Variants in ZSWIM6 observed in about 807,000 individuals in gnomAD.
ZSWIM6 encodes zinc finger SWIM domain-containing protein 6.
Under a neutral mutation model 113.2 loss-of-function variants are expected in ZSWIM6, and 9 were observed. The observed-to-expected ratio is 0.08, with a 90% CI of 0.05 to 0.14. The LOEUF (loss-of-function observed/expected upper bound fraction) is 0.14. Among genes scored for constraint, ZSWIM6 ranks in the 10% least tolerant of loss-of-function variants. The pLI, the probability that ZSWIM6 is intolerant of heterozygous loss-of-function variation, is 1.00. For missense variants in ZSWIM6, 1,162 were observed against 1,552.2 expected (o/e 0.75, Z 4.22); for synonymous variants, 611 against 606.5 (o/e 1.01, Z -0.11).
At chr5:61,412,966 AT>A (rs70977844) in intron 1 of ZSWIM6, among the ~76,000 whole-genome samples, 53,329 of 147,196 alleles carry the variant, frequency 0.36, 9,612 homozygotes, top group African/African-American at 0.41. Flanking sequence ...GAAATTAGAG[AT>A]TTTTTTTTTT....
intron 1 of ZSWIM6, among the ~76,000 whole-genome samples, chr5:61,407,406 A>G (rs958271125): frequency 6.6e-6 from 1 of 152,252 alleles, no homozygotes; most frequent in Non-Finnish European, 1.5e-5. Context: ...ACAGTCTGTG[A>G]TAATAGTAAC....
In ZSWIM6 at chr5:61,523,626, T is replaced by TA. The variant is rs1294125921; in HGVS notation, c.1514-2173dup. ...ATAATTATTTCCCTTTTTTCAATCT[T>TA]ACTGCACAATTGAATAGCCACTGAC... On this transcript the variant is annotated intron_variant, in intron 5 of 13. Coordinates refer to ENST00000252744, the MANE Select transcript of ZSWIM6 (RefSeq NM_020928.2). 4.6e-5 allele frequency among the ~76,000 whole-genome samples: 7 copies of TA among 152,212 alleles called. No individual in the cohort carries two copies. In the East Asian group the frequency reaches 1.2e-3, roughly 25 times the overall value.
rs2112012478 is a variant in ZSWIM6 at position 61,332,533 on chromosome 5, G to A, written c.261G>A (p.Glu87=). The A allele has an allele frequency of 7.4e-7, 1 of 1,344,382 alleles. No homozygotes were observed. Among genetic ancestry groups the A allele is most frequent in the South Asian group, 1.3e-5 (1 of 77,390 alleles). The allele number at this position is 1,344,382 out of a possible 1,614,324, so 83.3% of individuals were successfully genotyped here. ...ACATCGCGGCGCGCAGGGTGGCGGAGAAGTGGCCGTTCCAGCGCGTGGAGG... is the reference window on the plus strand; with the variant it reads ...ACATCGCGGCGCGCAGGGTGGCGGAAAAGTGGCCGTTCCAGCGCGTGGAGG... ...LLDIAARRVA[E]KWPFQRVEER... The change falls in exon 1 of 14, where the codon GAG becomes GAA. Residue 87 remains glutamate (E), a synonymous_variant. Transcript: ENST00000252744.
At chr5:61,482,575 T>C (rs1476369376) in intron 2 of ZSWIM6, among the ~76,000 whole-genome samples, 1 of 152,220 alleles carries the variant, frequency 6.6e-6, no homozygotes, top group African/African-American at 2.4e-5. Context: ...ACATTAAATT[T>C]CCTGGTCTAT....
chr5:61,373,532 C>T (rs1037184681), intron 1 of ZSWIM6, among the ~76,000 whole-genome samples: 3 of 152,090 alleles, frequency 2.0e-5, no homozygotes, highest in Non-Finnish European at 4.4e-5. Flanking sequence ...CACTGGTACC[C>T]TAAGTCTAAT....
intron 9 of ZSWIM6, among the ~76,000 whole-genome samples, chr5:61,532,760 GCACTCT>G (rs1469248871): frequency 6.6e-6 from 1 of 152,068 alleles, no homozygotes; most frequent in African/African-American, 2.4e-5. Flanking sequence ...ATTTTTTGAA[GCACTCT>G]CCTGAACCTG....
chr5:61,448,594 T>C (rs1281998370), intron 1 of ZSWIM6, among the ~76,000 whole-genome samples: 1 of 152,068 alleles, frequency 6.6e-6, no homozygotes, highest in Non-Finnish European at 1.5e-5. Flanking sequence ...CATGTTCTGT[T>C]TGGGGGAGGA....
chr5:61,404,373 A>G lies in ZSWIM6; in HGVS notation c.677-68308A>G, dbSNP rs1471077355. Among the ~76,000 whole-genome samples the G allele has an allele frequency of 2.6e-5, 4 of 152,264 alleles. No individual in the cohort carries two copies. In the East Asian group the frequency reaches 7.7e-4, roughly 29 times the overall value. On this transcript the variant is annotated intron_variant, in intron 1 of 13. Transcript: ENST00000252744. ...GATCTTTAGGGGAAAGAATGGCATA[A>G]ATTAAGGCAGATGAAAAATTTCAAA...
intron 4 of ZSWIM6, among the ~76,000 whole-genome samples, chr5:61,496,466 T>C (rs1748317327): frequency 6.6e-6 from 1 of 152,132 alleles, no homozygotes; most frequent in South Asian, 2.1e-4. Context: ...CTTAATAAAA[T>C]GGGGGAATTT....
At position 61,525,719 on chromosome 5, in the gene ZSWIM6, A is replaced by G. The variant is rs569437190; in HGVS notation, c.1514-81A>G. ...AATGTGTGTGGGTGTGTTCATGAAC[A>G]TCTGGCCACAGAATGGTATGACTGA... On this transcript the variant is annotated intron_variant, in intron 5 of 13. Coordinates refer to ENST00000252744, the MANE Select transcript of ZSWIM6 (RefSeq NM_020928.2). The G allele has an allele frequency of 3.4e-5, 50 of 1,490,372 alleles. No homozygotes were observed. In the African/African-American group the frequency reaches 5.4e-4, roughly 16 times the overall value. The allele number at this position is 1,490,372 out of a possible 1,614,324, so 92.3% of individuals were successfully genotyped here. A position where few individuals can be genotyped will look rare whatever the true frequency, so the allele number is the denominator to read the frequency against.
intron 1 of ZSWIM6, among the ~76,000 whole-genome samples, chr5:61,396,403 A>C (rs1169166642): frequency 6.6e-6 from 1 of 151,812 alleles, no homozygotes; most frequent in Non-Finnish European, 1.5e-5. Context: ...ATGGTGGCGC[A>C]CACCTGTAGT....
intron 1 of ZSWIM6, among the ~76,000 whole-genome samples, chr5:61,471,028 A>G (rs879657283): frequency 6.6e-6 from 1 of 152,222 alleles, no homozygotes. Context: ...CTGCAGCTCC[A>G]TGTGCACCAC....
At chr5:61,471,462 T>A (rs1284654031) in intron 1 of ZSWIM6, among the ~76,000 whole-genome samples, 1 of 152,170 alleles carries the variant, frequency 6.6e-6, no homozygotes, top group Non-Finnish European at 1.5e-5. Context: ...GGAAGGCAGT[T>A]TGCAGTTGAT....
At chr5:61,509,868 C>G (rs554383554) in intron 4 of ZSWIM6, among the ~76,000 whole-genome samples, 1 of 152,048 alleles carries the variant, frequency 6.6e-6, no homozygotes, top group African/African-American at 2.4e-5. Flanking sequence ...TAAGGGTATT[C>G]AGAGTGATTT....
intron 1 of ZSWIM6, among the ~76,000 whole-genome samples, chr5:61,457,515 TC>T (rs1488231697): frequency 6.6e-6 from 1 of 152,060 alleles, no homozygotes; most frequent in Non-Finnish European, 1.5e-5. Flanking sequence ...GGCCCCTCTA[TC>T]TTTTTTTTTA....
At chr5:61,530,708 T>G (rs1270085486) in intron 8 of ZSWIM6, among the ~76,000 whole-genome samples, 1 of 152,208 alleles carries the variant, frequency 6.6e-6, no homozygotes, top group Non-Finnish European at 1.5e-5. Context: ...CCATTGAAAC[T>G]TAAGAATCTT....
At position 61,530,190 on chromosome 5, in the gene ZSWIM6, A is replaced by T. The variant is rs1369917656; in HGVS notation, c.1976A>T (p.Asp659Val). ...GATGAGAACCTCTCTGGGTTCTCAG[A>T]TTTTACAGGTAAAACCATTGACATT... The part of the protein sequence containing the change: ...IDDENLSGFS[D>V]FTENMGQCKS... Residue 659 changes from aspartate to valine, a missense_variant, in exon 8 of 14, where the codon GAT (aspartate) becomes GTT (valine). By Grantham distance (152) the Asp-to-Val change is radical (BLOSUM62 -3). Transcript: ENST00000252744. 5 of 1,550,702 alleles carry T rather than the reference A, an allele frequency of 3.2e-6. No homozygotes were observed. The East Asian group carries it at 1.2e-4, about 38-fold the overall frequency.
At chr5:61,501,943 C>T (rs138231051) in intron 4 of ZSWIM6, among the ~76,000 whole-genome samples, 7 of 152,078 alleles carry the variant, frequency 4.6e-5, no homozygotes, top group Middle Eastern at 3.2e-3. Flanking sequence ...TAGTACTGAC[C>T]GCACTTGCCT....
chr5:61,492,685 A>G (rs1027936101), intron 3 of ZSWIM6, among the ~76,000 whole-genome samples: 5 of 152,132 alleles, frequency 3.3e-5, no homozygotes, highest in Non-Finnish European at 5.9e-5. Context: ...ACTCCTTTAT[A>G]GGAATACTGA....
Sources: gnomAD v4.1 joint callset for allele counts (sites outside exome capture counted in the v4.1 genomes callset) on GRCh38, gnomAD v4.1.1 for gene constraint, MANE v1.5 for transcripts, NCBI Gene and HGNC (gene_info 2026-07-23, HGNC 2026-07-21) for gene names.